Variants in ADAMTSL4 observed in about 807,000 individuals in gnomAD.
The protein encoded by ADAMTSL4 is ADAMTS like 4.
In ADAMTSL4, 97 loss-of-function variants were observed where a neutral mutation model predicts 122.8. The ratio of observed to expected loss-of-function variants is 0.79; its 90% CI spans 0.67 to 0.93. The LOEUF is 0.93. Ranked by LOEUF, ADAMTSL4 falls within the 40% of genes least tolerant of loss-of-function variation. The probability of loss-of-function intolerance (pLI) is 0.00; values close to 1 mark genes in which losing one functional copy is unlikely to be tolerated. For missense variants in ADAMTSL4, 1,408 were observed against 1,453.5 expected (o/e 0.97, Z 0.51); for synonymous variants, 592 against 568.0 (o/e 1.04, Z -0.60).
In ADAMTSL4 at chr1:150,553,430, C is replaced by T. The variant is rs779011667; in HGVS notation, c.439C>T (p.Arg147Trp). 9.9e-6 allele frequency: 16 copies of T among 1,613,850 alleles called. No homozygotes were observed. The highest frequency in any genetic ancestry group is 8.0e-5 in the African/African-American group (6 of 74,926). Residue 147 changes from arginine (R) to tryptophan (W), a missense_variant, in exon 6 of 19, where the codon CGG becomes TGG. Coordinates refer to ENST00000271643, the MANE Select transcript of ADAMTSL4 (RefSeq NM_019032.6). The part of the protein sequence containing the change: ...TQEIRAARRS[R>W]LRDPIKPGMF... ...ACATCTGAAACACCTTCTCAGGTCCCGGCTTCGAGACCCCATCAAGCCAGG... is the reference window on the plus strand; with the variant it reads ...ACATCTGAAACACCTTCTCAGGTCCTGGCTTCGAGACCCCATCAAGCCAGG...
intron 2 of ADAMTSL4, chr1:150,550,727 C>T (rs945698962): frequency 1.1e-5 from 5 of 456,318 alleles, no homozygotes; most frequent in African/African-American, 4.0e-5. Context: ...CCTTAGTGGC[C>T]GGCCCAGCCA....
At position 150,560,065 on chromosome 1, in the gene ADAMTSL4, C is replaced by A. The variant is rs761830077; in HGVS notation, c.3094C>A (p.Gln1032Lys). 1.9e-6 allele frequency: 3 copies of A among 1,614,122 alleles called. No individual in the cohort carries two copies. The highest frequency in any genetic ancestry group is 1.6e-4 in the Middle Eastern group (1 of 6,062). Residue 1032 changes from glutamine to lysine, a missense_variant, in exon 19 of 19, where the codon CAA becomes AAA. By Grantham distance (53) the Gln-to-Lys change is moderately conservative. Transcript: ENST00000271643. ...SQPCSQRPDD[Q>K]CKDSSPHCPL... ...CTGGCCTCCTCTGTCCCCAGATGATCAATGCAAGGACAGCTCTCCACATTG... is the reference window on the plus strand; with the variant it reads ...CTGGCCTCCTCTGTCCCCAGATGATAAATGCAAGGACAGCTCTCCACATTG...
In ADAMTSL4 at chr1:150,552,045, C is replaced by T; in HGVS notation, c.-84-160C>T. 1.7e-6 allele frequency: 1 copy of T among 578,648 alleles called. No homozygotes were observed. The highest frequency in any genetic ancestry group is 3.1e-6 in the Non-Finnish European group (1 of 323,616). 35.8% of individuals were successfully genotyped at this position (578,648 alleles called of 1,614,324 possible). A position where few individuals can be genotyped will look rare whatever the true frequency, so the allele number is the denominator to read the frequency against. ...TGAGGTCAGCCCCTGACCATGTAGC[C>T]TCTACAGATGGACAAGGCAGTGATC... is the stretch of plus-strand genomic sequence containing the variant. On this transcript the variant is annotated intron_variant, in intron 2 of 18. Transcript: ENST00000271643. This position sits in a 1 kb window ranked among gnomAD's most constrained non-coding sequence, Gnocchi z 4.0.
rs369333330 is a variant in ADAMTSL4, at chr1:150,556,449, CAG to C, written c.1576+84_1576+85del. Reference sequence around the variant, plus strand: ...TACTCAGAGCAGTGAGCAAGCCAAACAGGGGGAAGTCCAGGGCCTAGCCCCTC... The same window carrying C: ...TACTCAGAGCAGTGAGCAAGCCAAACGGGGAAGTCCAGGGCCTAGCCCCTC... On this transcript the variant is annotated intron_variant, in intron 9 of 18. Transcript: ENST00000271643. This position sits in a 1 kb window ranked among gnomAD's most constrained non-coding sequence, Gnocchi z 4.1. 304 of 1,586,872 alleles carry C rather than the reference CAG, an allele frequency of 1.9e-4. 2 individuals are homozygous for C. The highest frequency in any genetic ancestry group is 1.2e-3 in the Middle Eastern group (7 of 6,016).
Position 150,560,173 on chromosome 1 carries a change from C to G in ADAMTSL4, c.3202C>G (p.Arg1068Gly). 6.2e-7 allele frequency: 1 copy of G among 1,614,052 alleles called. No homozygotes were observed. Among genetic ancestry groups the G allele is most frequent in the Non-Finnish European group, 8.5e-7 (1 of 1,179,996 alleles). ...CCRSCAHVLE[R>G]SPQDPS ...CCGCTCTTGCGCACATGTCCTGGAG[C>G]GGTCTCCCCAGGATCCCTCCTGAAA... The change falls in exon 19 of 19, where the codon CGG becomes GGG. Residue 1068 changes from arginine to glycine, a missense_variant. By Grantham distance (125) the Arg-to-Gly change is moderately radical (BLOSUM62 -2). Transcript: ENST00000271643.
At chr1:150,555,711 GCACACACGCACACACACACACGCA>G in intron 8 of ADAMTSL4, 146 bp downstream of exon 8, 1 of 1,115,952 alleles carries the variant, frequency 9.0e-7, no homozygotes, top group Non-Finnish European at 1.3e-6. Flanking sequence ...ACAGACACAT[GCACACACGCACACACACACACGCA>G]CACACACGCA....
chr1:150,551,992 G>A lies in ADAMTSL4; in HGVS notation c.-84-213G>A, dbSNP rs74743733. ...CTAAGAAGCCCCTACAGGGCCCAGA[G>A]GTGGGGACTGAGCCTTAGTTGGAGG... On this transcript the variant is annotated intron_variant, in intron 2 of 18. Transcript: ENST00000271643. The A allele has an allele frequency of 4.5e-3, 2,125 of 473,812 alleles. 48 individuals carry two copies. The highest frequency in any genetic ancestry group is 0.038 in the African/African-American group (1,970 of 51,170). The allele number at this position is 473,812 out of a possible 1,614,324, so 29.4% of individuals were successfully genotyped here.
rs376803411 is a variant in ADAMTSL4, at chr1:150,559,106, G to T, written c.2704G>T (p.Ala902Ser). Reference protein sequence around the residue: ...PTGSRPPDMRACSLGPCERTW... With the variant: ...PTGSRPPDMRSCSLGPCERTW... Reference sequence around the variant, plus strand: ...AGGAAGCCGGCCCCCTGACATGCGCGCCTGCAGCCTGGGGCCCTGTGAGAG... The same window carrying T: ...AGGAAGCCGGCCCCCTGACATGCGCTCCTGCAGCCTGGGGCCCTGTGAGAG... Residue 902 changes from alanine to serine, a missense_variant, in exon 16 of 19, where the codon GCC (alanine) becomes TCC (serine). Coordinates refer to ENST00000271643, the MANE Select transcript of ADAMTSL4 (RefSeq NM_019032.6). This position sits in a 1 kb window ranked among gnomAD's most constrained non-coding sequence, Gnocchi z 4.1. The T allele has an allele frequency of 1.2e-6, 2 of 1,612,754 alleles. No individual in the cohort carries two copies. The highest frequency in any genetic ancestry group is 1.7e-6 in the Non-Finnish European group (2 of 1,179,952).
In ADAMTSL4 at chr1:150,554,246, G is replaced by C; in HGVS notation, c.1132-119G>C. ...AGGGCCTTGGCATCTGACCACCTCA[G>C]GGCAGGGGTCTTGGAGCTCTTCCGC... On this transcript the variant is annotated intron_variant, in intron 6 of 18. Coordinates refer to ENST00000271643, the MANE Select transcript of ADAMTSL4 (RefSeq NM_019032.6). The surrounding 1 kb of genome is among the most constrained non-coding windows in gnomAD (Gnocchi z 4.0). 1 of 1,439,120 alleles carries C rather than the reference G, an allele frequency of 6.9e-7. No homozygotes were observed. Among genetic ancestry groups the C allele is most frequent in the South Asian group, 1.1e-5 (1 of 87,282 alleles). The allele number at this position is 1,439,120 out of a possible 1,614,324, so 89.1% of individuals were successfully genotyped here. A position where few individuals can be genotyped will look rare whatever the true frequency, so the allele number is the denominator to read the frequency against.
At position 150,560,178 on chromosome 1, in the gene ADAMTSL4, T is replaced by G. The variant is rs768455461; in HGVS notation, c.3207T>G (p.Ser1069=). The change falls in exon 19 of 19, where the codon TCT becomes TCG. Residue 1069 remains serine, a synonymous_variant. Coordinates refer to ENST00000271643, the MANE Select transcript of ADAMTSL4 (RefSeq NM_019032.6). ...CTTGCGCACATGTCCTGGAGCGGTC[T>G]CCCCAGGATCCCTCCTGAAAGGGGT... is the stretch of plus-strand genomic sequence containing the variant. ...CRSCAHVLER[S]PQDPS The G allele has an allele frequency of 1.2e-6, 2 of 1,614,030 alleles. No homozygotes were observed. Among genetic ancestry groups the G allele is most frequent in the South Asian group, 2.2e-5 (2 of 91,086 alleles).
At chr1:150,550,374 G>A in intron 2 of ADAMTSL4, 1 of 451,040 alleles carries the variant, frequency 2.2e-6, no homozygotes, top group Non-Finnish European at 4.4e-6. Flanking sequence ...TTCCAGAGAG[G>A]GAGCCAGGCC....
At chr1:150,555,589 GCACACA>G in intron 8 of ADAMTSL4, 24 bp downstream of exon 8, 1 of 1,601,732 alleles carries the variant, frequency 6.2e-7, no homozygotes, top group Admixed American at 1.7e-5. Flanking sequence ...GTGTGTGTGT[GCACACA>G]CACATGCATA....
At chr1:150,555,710 T>TGCACACAC in intron 8 of ADAMTSL4, 145 bp downstream of exon 8, 3 of 1,170,206 alleles carry the variant, frequency 2.6e-6, no homozygotes, top group Non-Finnish European at 3.6e-6. Flanking sequence ...CACAGACACA[T>TGCACACAC]GCACACACGC....
At position 150,552,981 on chromosome 1, in the gene ADAMTSL4, C is replaced by T. The variant is rs150631268; in HGVS notation, c.162C>T (p.Ala54=). ...TCTGGGGACCTTGGGTCCAGTGGGC[C>T]TCTTGCTCCCAGCCCTGCGGGGTGG... is the stretch of plus-strand genomic sequence containing the variant. The part of the protein sequence containing the change: ...EGVWGPWVQW[A]SCSQPCGVGV... The change falls in exon 5 of 19, where the codon GCC becomes GCT. Residue 54 remains alanine (A), a synonymous_variant. Coordinates refer to ENST00000271643, the MANE Select transcript of ADAMTSL4 (RefSeq NM_019032.6). The surrounding 1 kb of genome is among the most constrained non-coding windows in gnomAD (Gnocchi z 4.0). 3.8e-4 allele frequency: 617 copies of T among 1,613,312 alleles called. No homozygotes were observed. The highest frequency in any genetic ancestry group is 4.7e-4 in the Non-Finnish European group (552 of 1,179,978).
At position 150,554,017 on chromosome 1, in the gene ADAMTSL4, G is replaced by A; in HGVS notation, c.1026G>A (p.Leu342=). 2 of 1,611,620 alleles carry A rather than the reference G, an allele frequency of 1.2e-6. No individual in the cohort carries two copies. Among genetic ancestry groups the A allele is most frequent in the East Asian group, 2.2e-5 (1 of 44,866 alleles). Residue 342 remains leucine, a synonymous_variant, in exon 6 of 19, where the codon CTG becomes CTA. Coordinates refer to ENST00000271643, the MANE Select transcript of ADAMTSL4 (RefSeq NM_019032.6). This position sits in a 1 kb window ranked among gnomAD's most constrained non-coding sequence, Gnocchi z 4.0. ...ACCCGGGCGCCTGGCTGCCCCTGCTGAGCAACGGCCCCCATGCCAGCTCCC... is the reference window on the plus strand; with the variant it reads ...ACCCGGGCGCCTGGCTGCCCCTGCTAAGCAACGGCCCCCATGCCAGCTCCC... The part of the protein sequence containing the change: ...PQHPGAWLPL[L]SNGPHASSLW...
intron 7 of ADAMTSL4, 23 bp from the exon 8 acceptor site, chr1:150,555,406 C>T: frequency 6.2e-7 from 1 of 1,613,528 alleles, no homozygotes; most frequent in South Asian, 1.1e-5. Context: ...GCCCACTAAC[C>T]ACCCTTCTAC....
In ADAMTSL4 at chr1:150,556,548, C is replaced by A. The variant is rs1672143025; in HGVS notation, c.1577-73C>A. The A allele has an allele frequency of 1.9e-6, 3 of 1,603,462 alleles. No homozygotes were observed. The highest frequency in any genetic ancestry group is 2.6e-6 in the Non-Finnish European group (3 of 1,171,720). ...AGGTTCTGGTGGGAGCTTCTATAGG[C>A]TAAGGACACGGTGTGGGAGGAGGAA... On this transcript the variant is annotated intron_variant, in intron 9 of 18. Coordinates refer to ENST00000271643, the MANE Select transcript of ADAMTSL4 (RefSeq NM_019032.6). The surrounding 1 kb of genome is among the most constrained non-coding windows in gnomAD (Gnocchi z 4.1).
rs587776927 is a variant in ADAMTSL4, at chr1:150,552,897, G to A, written c.79-1G>A. ...TCTGTCTGACCTTTTTCTCTATATAGGTGTTGTCCGGACACTCTCTTCAGA... is the reference window on the plus strand; with the variant it reads ...TCTGTCTGACCTTTTTCTCTATATAAGTGTTGTCCGGACACTCTCTTCAGA... On this transcript the variant is annotated splice_acceptor_variant, in intron 4 of 18. Transcript: ENST00000271643. LOFTEE classifies it high-confidence loss of function. The surrounding 1 kb of genome is among the most constrained non-coding windows in gnomAD (Gnocchi z 4.0). 1 of 1,612,114 alleles carries A rather than the reference G, an allele frequency of 6.2e-7. No individual in the cohort carries two copies. Among genetic ancestry groups the A allele is most frequent in the Non-Finnish European group, 8.5e-7 (1 of 1,179,772 alleles).
In ADAMTSL4 at chr1:150,554,236, GACC is replaced by G; in HGVS notation, c.1131+118_1131+120del. 6.9e-7 allele frequency: 1 copy of G among 1,448,220 alleles called. No individual in the cohort carries two copies. Among genetic ancestry groups the G allele is most frequent in the Non-Finnish European group, 9.6e-7 (1 of 1,043,244 alleles). 89.7% of individuals were successfully genotyped at this position (1,448,220 alleles called of 1,614,324 possible). On this transcript the variant is annotated intron_variant, in intron 6 of 18. Coordinates refer to ENST00000271643, the MANE Select transcript of ADAMTSL4 (RefSeq NM_019032.6). This position sits in a 1 kb window ranked among gnomAD's most constrained non-coding sequence, Gnocchi z 4.0. ...CTGAGGGAGAAGGGCCTTGGCATCT[GACC>G]ACCTCAGGGCAGGGGTCTTGGAGCT...
Sources: allele counts gnomAD v4.1 joint callset, GRCh38; gene constraint gnomAD v4.1.1; non-coding constraint Gnocchi (gnomAD v3.1); transcripts MANE v1.5; gene names NCBI Gene and HGNC (gene_info 2026-07-23, HGNC 2026-07-21).